HS3ST4: variants seen among roughly 807,000 people sequenced by gnomAD.
HS3ST4 encodes the protein heparan sulfate glucosamine 3-O-sulfotransferase 4.
In HS3ST4, 17 loss-of-function variants were observed where a neutral mutation model predicts 29.2. The ratio of observed to expected loss-of-function variants is 0.58; its 90% CI spans 0.40 to 0.87. The LOEUF (loss-of-function observed/expected upper bound fraction) is 0.87. HS3ST4 is among the 40% of genes least tolerant of loss of function. The pLI is 0.00. For synonymous variants in HS3ST4, 314 were observed against 285.7 expected, an observed-to-expected ratio of 1.10 and a Z score of -1.00; for missense variants, 627 against 634.5, an observed-to-expected ratio of 0.99 and a Z score of 0.13.
At chr16:25,929,280 G>T (rs544376609) in intron 1 of HS3ST4, among the ~76,000 whole-genome samples, 1 of 151,974 alleles carries the variant, frequency 6.6e-6, no homozygotes, top group Admixed American at 6.6e-5. Context: ...CACTCAGGAG[G>T]CTCAGGCAGG....
chr16:26,135,061 A>T (rs1051413273), intron 1 of HS3ST4, among the ~76,000 whole-genome samples: 12 of 151,998 alleles, frequency 7.9e-5, no homozygotes, highest in Admixed American at 6.6e-5. Flanking sequence ...AATCATTCTT[A>T]TCTGTGAGTT....
At chr16:26,026,711 A>G (rs535309631) in intron 1 of HS3ST4, among the ~76,000 whole-genome samples, 8 of 152,258 alleles carry the variant, frequency 5.3e-5, no homozygotes, top group Non-Finnish European at 1.0e-4. Flanking sequence ...ATTTGATTAC[A>G]CGTCCAGCCC....
At chr16:25,873,682 A>G (rs1449953396) in intron 1 of HS3ST4, among the ~76,000 whole-genome samples, 2 of 149,850 alleles carry the variant, frequency 1.3e-5, no homozygotes, top group Non-Finnish European at 3.0e-5. Flanking sequence ...CCATCCATCC[A>G]TCCATCCATC....
At chr16:25,744,302 C>T (rs187222148) in intron 1 of HS3ST4, among the ~76,000 whole-genome samples, 98 of 152,274 alleles carry the variant, frequency 6.4e-4, no homozygotes, top group African/African-American at 2.3e-3. Context: ...TTAATACCTT[C>T]ATTTTTTAAT....
chr16:25,965,287 G>C (rs1054221923), intron 1 of HS3ST4, among the ~76,000 whole-genome samples: 4 of 151,906 alleles, frequency 2.6e-5, no homozygotes, highest in Non-Finnish European at 5.9e-5. Flanking sequence ...AGCAGAGGGG[G>C]CTCTGCTGTT....
chr16:25,828,700 A>G (rs117057127), intron 1 of HS3ST4, among the ~76,000 whole-genome samples: 3,578 of 152,190 alleles, frequency 0.024, 51 homozygotes, highest in African/African-American at 0.033. Flanking sequence ...CAGTAGGCCC[A>G]GGTGTCCATG....
At position 25,741,924 on chromosome 16, in the gene HS3ST4, CT is replaced by C. The variant is rs1467286057; in HGVS notation, c.734+48774del. ...TAATTGCTAAGTGGATAGGGCTCCC[CT>C]GTTATTTACTTTTTAATCTTTTTGC... On this transcript the variant is annotated intron_variant, in intron 1 of 1. Coordinates refer to ENST00000331351, the MANE Select transcript of HS3ST4 (RefSeq NM_006040.3). 3.3e-5 allele frequency among the ~76,000 whole-genome samples: 5 copies of C among 152,160 alleles called. No homozygotes were observed. In the East Asian group the frequency reaches 9.7e-4, roughly 29 times the overall value.
rs1316404801 is a variant in HS3ST4, at chr16:25,994,823, A to T, written c.735-140789A>T. ...TAAGAGAAAGAAAGCTCAGAGAATTATGCTTTCTTGCCTGAAAACATGCAG... is the reference window on the plus strand; with the variant it reads ...TAAGAGAAAGAAAGCTCAGAGAATTTTGCTTTCTTGCCTGAAAACATGCAG... On this transcript the variant is annotated intron_variant, in intron 1 of 1. Transcript: ENST00000331351. Among the ~76,000 whole-genome samples the T allele has an allele frequency of 4.6e-5, 7 of 152,340 alleles. No homozygotes were observed. The South Asian group carries it at 1.2e-3, about 27-fold the overall frequency.
chr16:25,765,910 C>G (rs982039695), intron 1 of HS3ST4, among the ~76,000 whole-genome samples: 1 of 152,118 alleles, frequency 6.6e-6, no homozygotes, highest in African/African-American at 2.4e-5. Context: ...GCCAGCGTCT[C>G]TAGTCAAGGG....
At chr16:26,029,573 C>T (rs986203352) in intron 1 of HS3ST4, among the ~76,000 whole-genome samples, 14 of 152,088 alleles carry the variant, frequency 9.2e-5, no homozygotes, top group African/African-American at 2.4e-4. Flanking sequence ...CCACCATGCC[C>T]GGCTAATTTT....
intron 1 of HS3ST4, among the ~76,000 whole-genome samples, chr16:25,738,767 C>T (rs1297442330): frequency 6.6e-6 from 1 of 152,164 alleles, no homozygotes; most frequent in African/African-American, 2.4e-5. Context: ...TTAGGCTTCT[C>T]CCTCCAGCTC....
At chr16:26,002,941 AT>A (rs138032844) in intron 1 of HS3ST4, among the ~76,000 whole-genome samples, 4,672 of 138,848 alleles carry the variant, frequency 0.034, 140 homozygotes, top group African/African-American at 0.098. Flanking sequence ...GCATTCTTAC[AT>A]TTTTTTTTTT....
At chr16:25,805,926 G>C (rs952597501) in intron 1 of HS3ST4, among the ~76,000 whole-genome samples, 2 of 152,058 alleles carry the variant, frequency 1.3e-5, no homozygotes, top group Non-Finnish European at 2.9e-5. Flanking sequence ...TCATTGTTCA[G>C]CTCCCACTTA....
intron 1 of HS3ST4, among the ~76,000 whole-genome samples, chr16:25,779,599 T>C (rs1966850848): frequency 6.6e-6 from 1 of 152,234 alleles, no homozygotes; most frequent in Admixed American, 6.5e-5. Flanking sequence ...GTGTCCCTTG[T>C]AGGAGAAAAC....
intron 1 of HS3ST4, among the ~76,000 whole-genome samples, chr16:25,736,551 A>T (rs1567229890): frequency 6.6e-6 from 1 of 152,250 alleles, no homozygotes; most frequent in South Asian, 2.1e-4. Flanking sequence ...AAAGCATGAC[A>T]ATACATTTAC....
At chr16:26,086,419 G>T (rs545511971) in intron 1 of HS3ST4, among the ~76,000 whole-genome samples, 1 of 151,054 alleles carries the variant, frequency 6.6e-6, no homozygotes, top group Non-Finnish European at 1.5e-5. Context: ...GCACGATCTC[G>T]GCTCACTGCA....
At chr16:25,979,560 C>A (rs1205258843) in intron 1 of HS3ST4, among the ~76,000 whole-genome samples, 1 of 152,210 alleles carries the variant, frequency 6.6e-6, no homozygotes, top group Non-Finnish European at 1.5e-5. Flanking sequence ...GTCACTGTCT[C>A]CTATCATCCC....
intron 1 of HS3ST4, chr16:26,032,784 C>T: frequency 7.4e-7 from 1 of 1,356,222 alleles, no homozygotes; most frequent in Admixed American, 1.7e-5. Flanking sequence ...TCTCCCTTAG[C>T]ATCCCCTTCA....
intron 1 of HS3ST4, among the ~76,000 whole-genome samples, chr16:25,814,137 T>C (rs1264231587): frequency 6.6e-6 from 1 of 152,230 alleles, no homozygotes; most frequent in Non-Finnish European, 1.5e-5. Flanking sequence ...AACTCTTCTA[T>C]ATCTTGTTTT....
Sources: gnomAD v4.1 joint callset for allele counts (sites outside exome capture counted in the v4.1 genomes callset) on GRCh38, gnomAD v4.1.1 for gene constraint, MANE v1.5 for transcripts, NCBI Gene and HGNC (gene_info 2026-07-23, HGNC 2026-07-21) for gene names.